The following CREB3L2 variants were observed in gnomAD, a reference collection of about 807,000 sequenced individuals.
CREB3L2 encodes the protein cAMP responsive element binding protein 3 like 2.
Under a neutral mutation model 57.2 loss-of-function variants are expected in CREB3L2, and 23 were observed. The observed-to-expected ratio is 0.40, with a 90% CI of 0.29 to 0.57. The LOEUF (loss-of-function observed/expected upper bound fraction) is 0.57, where lower values mean the gene tolerates loss of function less well. CREB3L2 is among the 20% of genes least tolerant of loss of function. The probability of loss-of-function intolerance (pLI) is 0.42; values close to 1 mark genes in which losing one functional copy is unlikely to be tolerated. For missense variants in CREB3L2, 628 were observed against 634.7 expected, an observed-to-expected ratio of 0.99 and a Z score of 0.11; for synonymous variants, 268 against 265.1, an observed-to-expected ratio of 1.01 and a Z score of -0.11.
At chr7:137,979,725 CAAA>C (rs1801679523) in intron 1 of CREB3L2, among the ~76,000 whole-genome samples, 1 of 76,420 alleles carries the variant, frequency 1.3e-5, no homozygotes, top group African/African-American at 5.7e-5. Flanking sequence ...GACTCCGTCT[CAAA>C]AACAACAACA....
intron 1 of CREB3L2, among the ~76,000 whole-genome samples, chr7:137,976,897 T>C (rs1330998785): frequency 1.3e-5 from 2 of 152,194 alleles, no homozygotes; most frequent in East Asian, 1.9e-4. Flanking sequence ...CATCATAAGC[T>C]ATATAGGCTA....
intron 1 of CREB3L2, among the ~76,000 whole-genome samples, chr7:137,929,761 C>T (rs960771221): frequency 1.7e-4 from 26 of 149,922 alleles, no homozygotes; most frequent in Admixed American, 4.6e-4. Flanking sequence ...CCCAGCTACT[C>T]GGGAGGCTGA....
rs1680559638 is a variant in CREB3L2 at position 137,880,453 on chromosome 7, G to A, written c.*23C>T. 6.3e-7 allele frequency: 1 copy of A among 1,596,786 alleles called. No homozygotes were observed. Among genetic ancestry groups the A allele is most frequent in the Non-Finnish European group, 8.6e-7 (1 of 1,165,396 alleles). On this transcript the variant is annotated 3_prime_UTR_variant, in exon 12 of 12. Coordinates refer to ENST00000330387, the MANE Select transcript of CREB3L2 (RefSeq NM_194071.4). This position sits in a 1 kb window ranked among gnomAD's most constrained non-coding sequence, Gnocchi z 4.0. ...GATGTAAAAGTAGAGTTAAGGGAAA[G>A]GGAGGGGGTGCAGGCAGCCTCTTTA...
intron 1 of CREB3L2, among the ~76,000 whole-genome samples, chr7:137,992,834 G>A (rs1337859246): frequency 1.3e-5 from 2 of 152,218 alleles, no homozygotes; most frequent in Non-Finnish European, 2.9e-5. Context: ...AGGCCCTGCA[G>A]GTAAGGACAG....
intron 1 of CREB3L2, among the ~76,000 whole-genome samples, chr7:137,981,926 T>C (rs938854715): frequency 6.6e-6 from 1 of 152,132 alleles, no homozygotes; most frequent in African/African-American, 2.4e-5. Context: ...TCTCTCTCTT[T>C]AGTTCTTGGG....
At chr7:137,901,887 A>AGAAAG (rs1799767801) in intron 7 of CREB3L2, among the ~76,000 whole-genome samples, 1 of 148,818 alleles carries the variant, frequency 6.7e-6, no homozygotes, top group African/African-American at 2.5e-5. Context: ...AAAAAAAAAA[A>AGAAAG]AAAAAGAAAA....
At chr7:137,964,042 C>T (rs915130606) in intron 1 of CREB3L2, among the ~76,000 whole-genome samples, 3 of 152,180 alleles carry the variant, frequency 2.0e-5, no homozygotes, top group Non-Finnish European at 2.9e-5. Context: ...CGGCCAGGCG[C>T]GGTGGCTCAC....
intron 4 of CREB3L2, among the ~76,000 whole-genome samples, chr7:137,910,258 T>C (rs985403186): frequency 1.3e-5 from 2 of 152,104 alleles, no homozygotes; most frequent in African/African-American, 4.8e-5. Flanking sequence ...TGCGATTCCC[T>C]GTCTCTCTCC....
At chr7:137,956,699 T>C in intron 1 of CREB3L2, 1 of 1,188,928 alleles carries the variant, frequency 8.4e-7, no homozygotes. Flanking sequence ...TTACTTTAAC[T>C]TGAATTTCAC....
At chr7:137,990,869 C>T (rs1801881417) in intron 1 of CREB3L2, among the ~76,000 whole-genome samples, 1 of 152,192 alleles carries the variant, frequency 6.6e-6, no homozygotes, top group African/African-American at 2.4e-5. Context: ...GGATTTTCCA[C>T]TCAGACAACT....
At chr7:137,892,391 C>T (rs1188619765) in intron 8 of CREB3L2, among the ~76,000 whole-genome samples, 2 of 151,694 alleles carry the variant, frequency 1.3e-5, no homozygotes, top group African/African-American at 4.9e-5. Flanking sequence ...TAGCTCATGC[C>T]TATAATCCCA....
chr7:137,990,966 A>T (rs924194070), intron 1 of CREB3L2, among the ~76,000 whole-genome samples: 4 of 152,116 alleles, frequency 2.6e-5, no homozygotes, highest in Non-Finnish European at 5.9e-5. Context: ...ATGTTAAAAA[A>T]ATGTTTCCTA....
chr7:137,975,108 C>T (rs778627189), intron 1 of CREB3L2, among the ~76,000 whole-genome samples: 13 of 152,112 alleles, frequency 8.5e-5, no homozygotes, highest in African/African-American at 1.9e-4. Context: ...TTTTATAAAC[C>T]GTAAAGCATT....
chr7:137,946,936 T>TTA (rs59426983), intron 1 of CREB3L2, among the ~76,000 whole-genome samples: 9 of 92,608 alleles, frequency 9.7e-5, no homozygotes, highest in Non-Finnish European at 1.8e-4. Flanking sequence ...ATATATATAG[T>TTA]TATATATATA....
rs1232588481 is a variant in CREB3L2 at position 137,928,278 on chromosome 7, A to G, written c.191T>C (p.Met64Thr). Residue 64 changes from methionine (M) to threonine (T), a missense_variant, in exon 2 of 12, where the codon ATG becomes ACG. By Grantham distance (81) the Met-to-Thr change is moderately conservative. Around this residue, in one of 3 missense-constraint regions of CREB3L2, gnomAD observed 339 missense variants for 355.4 expected, o/e 0.95. Transcript: ENST00000330387. ...DPFLSEKSVS[M>T]EVEPSPTSPA... ...GGACGTCGGGGAAGGTTCCACCTCC[A>G]TTGACACACTCTTCTCTGAGAGGAA... 6.2e-7 allele frequency: 1 copy of G among 1,614,138 alleles called. No homozygotes were observed. The highest frequency in any genetic ancestry group is 1.7e-5 in the Admixed American group (1 of 60,018).
chr7:137,996,491 C>T (rs916831816), intron 1 of CREB3L2, among the ~76,000 whole-genome samples: 11 of 152,252 alleles, frequency 7.2e-5, no homozygotes, highest in African/African-American at 2.2e-4. Flanking sequence ...CCAATGAGGA[C>T]CCGGGTGCCC....
chr7:137,991,778 G>A (rs1801902333), intron 1 of CREB3L2, among the ~76,000 whole-genome samples: 1 of 151,722 alleles, frequency 6.6e-6, no homozygotes, highest in Non-Finnish European at 1.5e-5. Flanking sequence ...CATGGTGGTG[G>A]GCACCTGTAA....
chr7:137,922,403 T>TACAC (rs1244130319), intron 2 of CREB3L2, among the ~76,000 whole-genome samples: 1 of 18,820 alleles, frequency 5.3e-5, no homozygotes. Context: ...TATATATATA[T>TACAC]ATATATATAT....
At chr7:137,922,396 A>ACG (rs1563253191) in intron 2 of CREB3L2, among the ~76,000 whole-genome samples, 3 of 18,908 alleles carry the variant, frequency 1.6e-4, no homozygotes, top group African/African-American at 2.3e-4. Context: ...ATATATATAT[A>ACG]TATATATATA....
Sources: allele counts gnomAD v4.1 joint callset (sites outside exome capture counted in the v4.1 genomes callset), GRCh38; gene constraint gnomAD v4.1.1; regional missense constraint gnomAD v4.1.1; non-coding constraint Gnocchi (gnomAD v3.1); transcripts MANE v1.5; gene names NCBI Gene and HGNC (gene_info 2026-07-23, HGNC 2026-07-21).